The following LOXHD1 variants were observed in gnomAD, a reference collection of about 807,000 sequenced individuals.
The protein encoded by LOXHD1 is lipoxygenase homology PLAT domains 1.
In LOXHD1, 205 loss-of-function variants were observed where a neutral mutation model predicts 248.2. That is an observed-to-expected ratio of 0.83 (90% confidence interval 0.74 to 0.93). The LOEUF is 0.93. LOXHD1 is among the 40% of genes least tolerant of loss of function. The probability of loss-of-function intolerance (pLI) is 0.00; values close to 1 mark genes in which losing one functional copy is unlikely to be tolerated. For missense variants in LOXHD1, 2,930 were observed against 2,971.6 expected, an observed-to-expected ratio of 0.99 and a Z score of 0.33; for synonymous variants, 1,113 against 1,162.8, an observed-to-expected ratio of 0.96 and a Z score of 0.87.
intron 14 of LOXHD1, 150 bp from the exon 15 acceptor site, chr18:46,572,312 T>C (rs1248153772): frequency 1.4e-6 from 1 of 736,582 alleles, no homozygotes; most frequent in East Asian, 2.7e-5. Flanking sequence ...CAAAACATCC[T>C]AGCCTGGAGT....
intron 40 of LOXHD1, among the ~76,000 whole-genome samples, chr18:46,480,131 G>A (rs986414349): frequency 2.6e-5 from 4 of 152,100 alleles, no homozygotes; most frequent in African/African-American, 9.7e-5. Context: ...ATTTCTTTAT[G>A]CATATGCCCA....
intron 3 of LOXHD1, among the ~76,000 whole-genome samples, chr18:46,641,094 C>T (rs1375768243): frequency 1.3e-5 from 2 of 151,924 alleles, no homozygotes; most frequent in Non-Finnish European, 2.9e-5. Context: ...CCAATCTCCC[C>T]TGCAAGAGCC....
At chr18:46,509,643 C>T in intron 35 of LOXHD1, 55 bp downstream of exon 35, 1 of 1,310,706 alleles carries the variant, frequency 7.6e-7, no homozygotes, top group Non-Finnish European at 1.1e-6. Flanking sequence ...CCAGAGGAAC[C>T]AGGGGAAGGG....
chr18:46,524,114 C>G (rs970464089), intron 31 of LOXHD1, among the ~76,000 whole-genome samples: 7 of 152,158 alleles, frequency 4.6e-5, no homozygotes, highest in African/African-American at 1.7e-4. Context: ...CTTCAGTCCC[C>G]AAATGACCAT....
At position 46,483,575 on chromosome 18, in the gene LOXHD1, C is replaced by A. The variant is rs559508107; in HGVS notation, c.6341+12G>T. On this transcript the variant is annotated intron_variant, in intron 40 of 40. Transcript: ENST00000642948. ...GGAGTGGCACTTCCTTGGGGAGAGGCTCAGTACATACACATTGCCGTACTC... is the reference window on the plus strand; with the variant it reads ...GGAGTGGCACTTCCTTGGGGAGAGGATCAGTACATACACATTGCCGTACTC... 6.4e-7 allele frequency: 1 copy of A among 1,551,376 alleles called. No individual in the cohort carries two copies. The highest frequency in any genetic ancestry group is 8.7e-7 in the Non-Finnish European group (1 of 1,146,956).
chr18:46,544,093 C>T (rs980725039), intron 23 of LOXHD1, among the ~76,000 whole-genome samples: 1 of 152,192 alleles, frequency 6.6e-6, no homozygotes, highest in South Asian at 2.1e-4. Context: ...CCCTGTACCC[C>T]AATAAGTCCC....
intron 1 of LOXHD1, among the ~76,000 whole-genome samples, chr18:46,654,461 G>A (rs769380165): frequency 1.3e-5 from 2 of 152,182 alleles, no homozygotes; most frequent in Non-Finnish European, 2.9e-5. Context: ...CTCCAGTTCT[G>A]GAATGAGTTA....
chr18:46,489,267 G>T, intron 37 of LOXHD1, 125 bp from the exon 38 acceptor site: 1 of 986,020 alleles, frequency 1.0e-6, no homozygotes, highest in Non-Finnish European at 1.5e-6. Flanking sequence ...TTTGGGCCTT[G>T]ATCTCCTTGT....
intron 22 of LOXHD1, among the ~76,000 whole-genome samples, chr18:46,546,601 T>G (rs1192967800): frequency 3.3e-5 from 5 of 151,868 alleles, no homozygotes; most frequent in Non-Finnish European, 7.4e-5. Context: ...CCAATTCAGT[T>G]CATTCCACTC....
chr18:46,518,186 G>T lies in LOXHD1; in HGVS notation c.5342C>A (p.Thr1781Asn). 2 of 1,551,632 alleles carry T rather than the reference G, an allele frequency of 1.3e-6. No individual in the cohort carries two copies. Among genetic ancestry groups the T allele is most frequent in the Non-Finnish European group, 1.7e-6 (2 of 1,146,986 alleles). Residue 1781 changes from threonine to asparagine, a missense_variant, in exon 34 of 41, where the codon ACC (threonine) becomes AAC (asparagine). Thr to Asn is a moderately conservative substitution (Grantham distance 65). Transcript: ENST00000642948. ...GGGTDSNIFMTLYGINGSTEE... is the reference protein window; with the variant it reads ...GGGTDSNIFMNLYGINGSTEE... ...TGTGCTCCCGTTGATGCCGTAGAGG[G>T]TCATGAAGATGTTGGAGTCAGTGCC...
In LOXHD1 at chr18:46,477,877, C is replaced by T. The variant is rs750021433; in HGVS notation, c.6417G>A (p.Lys2139=). The part of the protein sequence containing the change: ...RKYFKVFEVT[K]TTESFASKVQ... The stretch of plus-strand genomic sequence containing the variant: ...CCTTGCTGGCAAAGCTCTCTGTCGT[C>T]TTGGTAACCTCGAATACCTTGAAGT... The change falls in exon 41 of 41, where the codon AAG becomes AAA. Residue 2139 remains lysine (K), a synonymous_variant. Transcript: ENST00000642948. 8 of 1,551,788 alleles carry T rather than the reference C, an allele frequency of 5.2e-6. No individual in the cohort carries two copies. In the South Asian group the frequency reaches 9.5e-5, roughly 18 times the overall value.
intron 8 of LOXHD1, among the ~76,000 whole-genome samples, chr18:46,597,176 C>T (rs2038268684): frequency 6.6e-6 from 1 of 152,022 alleles, no homozygotes; most frequent in South Asian, 2.1e-4. Context: ...AAGGTCCTTG[C>T]ACTTGCCAAA....
chr18:46,551,433 C>A (rs910793741), intron 21 of LOXHD1, among the ~76,000 whole-genome samples: 4 of 152,178 alleles, frequency 2.6e-5, no homozygotes, highest in Admixed American at 1.3e-4. Flanking sequence ...AGCCACCACT[C>A]TTTCCTTGAA....
chr18:46,493,129 T>A (rs534378298), intron 37 of LOXHD1, among the ~76,000 whole-genome samples: 19 of 152,340 alleles, frequency 1.2e-4, no homozygotes, highest in African/African-American at 2.9e-4. Context: ...CCAACTACAC[T>A]GGCCTTCTTT....
chr18:46,548,801 A>C (rs1263539355), intron 21 of LOXHD1, among the ~76,000 whole-genome samples: 2 of 152,146 alleles, frequency 1.3e-5, no homozygotes, highest in Non-Finnish European at 2.9e-5. Flanking sequence ...AAAGTCAAAG[A>C]GACAGAAAAG....
intron 12 of LOXHD1, among the ~76,000 whole-genome samples, chr18:46,583,004 G>T (rs1220991046): frequency 1.3e-5 from 2 of 152,146 alleles, no homozygotes; most frequent in Non-Finnish European, 2.9e-5. Context: ...TTTAAAACCT[G>T]CCAGTAGTCA....
At chr18:46,601,580 T>C in intron 7 of LOXHD1, 113 bp from the exon 8 acceptor site, 2 of 1,384,504 alleles carry the variant, frequency 1.4e-6, no homozygotes, top group Non-Finnish European at 2.0e-6. Context: ...CCTCCACACA[T>C]CCTCTTTCCC....
chr18:46,611,593 C>G (rs532407964), intron 5 of LOXHD1, among the ~76,000 whole-genome samples: 13 of 152,230 alleles, frequency 8.5e-5, no homozygotes, highest in Non-Finnish European at 1.9e-4. Flanking sequence ...ATCTAGGCAC[C>G]AATTTTTGCT....
rs1250776865 is a variant in LOXHD1 at position 46,557,337 on chromosome 18, C to T, written c.3350+19G>A. 3 of 1,552,214 alleles carry T rather than the reference C, an allele frequency of 1.9e-6. No homozygotes were observed. In the Admixed American group the frequency reaches 5.9e-5, roughly 30 times the overall value. On this transcript the variant is annotated intron_variant, in intron 21 of 40. Transcript: ENST00000642948. ...CCCTCAGAGCAACACCCCTCCCTGCCCACTGCCCCCACACTCACGTGATCT... is the reference window on the plus strand; with the variant it reads ...CCCTCAGAGCAACACCCCTCCCTGCTCACTGCCCCCACACTCACGTGATCT...
Sources: allele counts gnomAD v4.1 joint callset (sites outside exome capture counted in the v4.1 genomes callset), GRCh38; gene constraint gnomAD v4.1.1; transcripts MANE v1.5; gene names NCBI Gene and HGNC (gene_info 2026-07-23, HGNC 2026-07-21).